Variants in GRIA2 observed in about 807,000 individuals in gnomAD.
The protein encoded by GRIA2 is glutamate receptor 2.
GRIA2 carries 14 observed loss-of-function variants against 97.3 expected under a neutral mutation model. The observed-to-expected ratio is 0.14, with a 90% CI of 0.10 to 0.23. GRIA2 has a LOEUF of 0.23. Ranked by LOEUF, GRIA2 falls within the 10% of genes least tolerant of loss-of-function variation. The pLI is 1.00. For synonymous variants in GRIA2, 412 were observed against 387.8 expected, an observed-to-expected ratio of 1.06 and a Z score of -0.73; for missense variants, 558 against 1,069.8, an observed-to-expected ratio of 0.52 and a Z score of 6.67.
chr4:157,230,945 T>C (rs1405517923), intron 2 of GRIA2, among the ~76,000 whole-genome samples: 1 of 152,102 alleles, frequency 6.6e-6, no homozygotes, highest in Non-Finnish European at 1.5e-5. Context: ...TCTTGAGCTC[T>C]TGGGCTCAAG....
At position 157,343,887 on chromosome 4, in the gene GRIA2, C is replaced by G. The variant is rs554208535; in HGVS notation, c.2043+2425C>G. 3.9e-5 allele frequency among the ~76,000 whole-genome samples: 6 copies of G among 152,126 alleles called. No individual in the cohort carries two copies. The East Asian group carries it at 1.2e-3, about 29-fold the overall frequency. On this transcript the variant is annotated intron_variant, in intron 12 of 15. Transcript: ENST00000264426. ...TTGCTAGTTCATGAGTAATTTTGAG[C>G]AATTTTTCTAACTGTATTACAATAA...
At chr4:157,316,175 G>T (rs565565740) in intron 4 of GRIA2, among the ~76,000 whole-genome samples, 1 of 152,268 alleles carries the variant, frequency 6.6e-6, no homozygotes, top group South Asian at 2.1e-4. Context: ...GCTAACAGAT[G>T]TCAGCAGGAA....
At chr4:157,299,975 G>A (rs1560754298) in intron 2 of GRIA2, among the ~76,000 whole-genome samples, 1 of 152,080 alleles carries the variant, frequency 6.6e-6, no homozygotes, top group African/African-American at 2.4e-5. Context: ...GAGGATTCAT[G>A]TTTCTTTCTT....
At chr4:157,352,738 A>AAAC (rs1736067872) in intron 12 of GRIA2, among the ~76,000 whole-genome samples, 1 of 143,328 alleles carries the variant, frequency 7.0e-6, no homozygotes, top group Non-Finnish European at 1.5e-5. Flanking sequence ...AAAAAAAAAA[A>AAAC]CACACACAAC....
chr4:157,350,934 T>C (rs1406472535), intron 12 of GRIA2, among the ~76,000 whole-genome samples: 1 of 148,958 alleles, frequency 6.7e-6, no homozygotes, highest in African/African-American at 2.4e-5. Flanking sequence ...GTTTTTTCTT[T>C]TTTTTTTTTT....
intron 2 of GRIA2, among the ~76,000 whole-genome samples, chr4:157,299,536 G>C (rs894257221): frequency 1.3e-5 from 2 of 152,060 alleles, no homozygotes; most frequent in African/African-American, 4.8e-5. Flanking sequence ...AACTATGCGA[G>C]GCTATTTAGA....
intron 2 of GRIA2, among the ~76,000 whole-genome samples, chr4:157,284,917 AC>A (rs1358719350): frequency 2.6e-5 from 4 of 151,724 alleles, no homozygotes; most frequent in Non-Finnish European, 3.0e-5. Context: ...CTCCTTGCAT[AC>A]ATTTCTAAGT....
At chr4:157,258,300 A>G (rs569407833) in intron 2 of GRIA2, among the ~76,000 whole-genome samples, 2 of 152,188 alleles carry the variant, frequency 1.3e-5, no homozygotes, top group Non-Finnish European at 2.9e-5. Flanking sequence ...TTTCTCAGCA[A>G]GAAACATCCC....
intron 2 of GRIA2, among the ~76,000 whole-genome samples, chr4:157,256,241 TATA>T (rs1353251593): frequency 1.0e-5 from 1 of 99,718 alleles, no homozygotes; most frequent in South Asian, 2.6e-4. Context: ...ATAATATATA[TATA>T]TAATATATAA....
chr4:157,295,657 G>T (rs1733313511), intron 2 of GRIA2, among the ~76,000 whole-genome samples: 1 of 152,096 alleles, frequency 6.6e-6, no homozygotes, highest in South Asian at 2.1e-4. Flanking sequence ...ATTTGCCCCA[G>T]TGGAAAAGTG....
At chr4:157,336,842 C>T (rs1269396699) in intron 11 of GRIA2, 95 bp downstream of exon 11, 15 of 1,146,046 alleles carry the variant, frequency 1.3e-5, no homozygotes, top group South Asian at 4.3e-5. Context: ...TACCAGCTGC[C>T]GACTTCCTGT....
At chr4:157,262,085 T>TGTAATCCCAGTTAAA in intron 2 of GRIA2, among the ~76,000 whole-genome samples, 1 of 152,108 alleles carries the variant, frequency 6.6e-6, no homozygotes, top group Non-Finnish European at 1.5e-5. Context: ...AATTTTTTAA[T>TGTAATCCCAGTTAAA]GACCAAAATT....
intron 2 of GRIA2, among the ~76,000 whole-genome samples, chr4:157,291,280 C>A (rs1454489535): frequency 3.3e-5 from 5 of 151,896 alleles, no homozygotes; most frequent in Non-Finnish European, 5.9e-5. Flanking sequence ...TGGTTTAGCT[C>A]CATCTTCTGG....
chr4:157,281,268 CAT>C (rs1732580587), intron 2 of GRIA2, among the ~76,000 whole-genome samples: 1 of 152,080 alleles, frequency 6.6e-6, no homozygotes, highest in African/African-American at 2.4e-5. Context: ...TAATTACTAA[CAT>C]ATCATACTTC....
At chr4:157,253,355 G>A (rs1216962628) in intron 2 of GRIA2, among the ~76,000 whole-genome samples, 1 of 151,892 alleles carries the variant, frequency 6.6e-6, no homozygotes, top group Non-Finnish European at 1.5e-5. Context: ...GAGCTCAAGG[G>A]ATCTACCCAC....
chr4:157,272,163 T>C (rs1264400618), intron 2 of GRIA2, among the ~76,000 whole-genome samples: 2 of 151,992 alleles, frequency 1.3e-5, no homozygotes, highest in Non-Finnish European at 2.9e-5. Flanking sequence ...GGTAATGTTA[T>C]TTGCAAATAA....
chr4:157,269,566 C>T (rs939870143), intron 2 of GRIA2, among the ~76,000 whole-genome samples: 1 of 152,012 alleles, frequency 6.6e-6, no homozygotes, highest in Admixed American at 6.6e-5. Context: ...CTGGCCTGAA[C>T]TGTTCATCAT....
intron 2 of GRIA2, among the ~76,000 whole-genome samples, chr4:157,296,240 C>A (rs1007624750): frequency 1.1e-4 from 17 of 152,054 alleles, no homozygotes; most frequent in Non-Finnish European, 2.1e-4. Flanking sequence ...AACTACATTT[C>A]ATAGGTAATT....
chr4:157,244,868 A>G (rs900867317), intron 2 of GRIA2, among the ~76,000 whole-genome samples: 1 of 152,012 alleles, frequency 6.6e-6, no homozygotes, highest in Non-Finnish European at 1.5e-5. Context: ...AGGAGGAATG[A>G]GGCCTTCCTG....
Sources: allele counts gnomAD v4.1 joint callset (sites outside exome capture counted in the v4.1 genomes callset), GRCh38; gene constraint gnomAD v4.1.1; transcripts MANE v1.5; gene names NCBI Gene and HGNC (gene_info 2026-07-23, HGNC 2026-07-21).